Variants in GRM8 observed in about 807,000 individuals in gnomAD.
The protein encoded by GRM8 is glutamate metabotropic receptor 8.
A neutral mutation model predicts 87.2 loss-of-function variants in GRM8; 47 were observed. The observed-to-expected ratio is 0.54, with a 90% CI of 0.43 to 0.69. The LOEUF is 0.69. Among genes scored for constraint, GRM8 ranks in the 30% least tolerant of loss-of-function variants. The probability of loss-of-function intolerance (pLI) is 0.00; values close to 1 mark genes in which losing one functional copy is unlikely to be tolerated. For missense variants in GRM8, 1,019 were observed against 1,139.2 expected, an observed-to-expected ratio of 0.89 and a Z score of 1.52; for synonymous variants, 396 against 404.5, an observed-to-expected ratio of 0.98 and a Z score of 0.25.
In GRM8 at chr7:126,539,304, G is replaced by T. The variant is rs538906234; in HGVS notation, c.1495-5417C>A. 9.9e-4 allele frequency among the ~76,000 whole-genome samples: 151 copies of T among 151,856 alleles called. 1 individual carries two copies. Among genetic ancestry groups the T allele is most frequent in the African/African-American group, 3.4e-3 (141 of 41,458 alleles). On this transcript the variant is annotated intron_variant, in intron 8 of 10. Coordinates refer to ENST00000339582, the MANE Select transcript of GRM8 (RefSeq NM_000845.3). ...AGTGAAAAAAAAAGTATAAATAGTTGAAAAGAAATCCTGTGTTTATGAATC... is the reference window on the plus strand; with the variant it reads ...AGTGAAAAAAAAAGTATAAATAGTTTAAAAGAAATCCTGTGTTTATGAATC...
intron 6 of GRM8, among the ~76,000 whole-genome samples, chr7:126,792,733 G>C (rs1269983295): frequency 6.6e-6 from 1 of 151,716 alleles, no homozygotes; most frequent in South Asian, 2.1e-4. Context: ...TCCATCCCAG[G>C]CATGAATAGT....
At chr7:127,052,053 T>G (rs1395795336) in intron 3 of GRM8, among the ~76,000 whole-genome samples, 1 of 152,254 alleles carries the variant, frequency 6.6e-6, no homozygotes, top group African/African-American at 2.4e-5. Context: ...CTTATATGAC[T>G]TGATGTATTT....
chr7:127,192,195 A>G (rs571313982), intron 2 of GRM8, among the ~76,000 whole-genome samples: 2 of 152,356 alleles, frequency 1.3e-5, no homozygotes, highest in East Asian at 3.9e-4. Flanking sequence ...TCAAATAAAA[A>G]CTTGGAGGAA....
intron 7 of GRM8, among the ~76,000 whole-genome samples, chr7:126,627,165 C>A (rs1453729360): frequency 6.6e-6 from 1 of 152,118 alleles, no homozygotes; most frequent in Non-Finnish European, 1.5e-5. Context: ...TGTTAGTATA[C>A]AAAATGCAGC....
At chr7:126,974,810 C>T (rs1431422180) in intron 3 of GRM8, among the ~76,000 whole-genome samples, 3 of 152,000 alleles carry the variant, frequency 2.0e-5, no homozygotes, top group South Asian at 2.1e-4. Flanking sequence ...GTGGCAGGCA[C>T]CTGTAGTCCC....
intron 6 of GRM8, among the ~76,000 whole-genome samples, chr7:126,788,162 C>G (rs1402439420): frequency 6.6e-6 from 1 of 151,874 alleles, no homozygotes; most frequent in Non-Finnish European, 1.5e-5. Context: ...GTAATCCCAG[C>G]ACTTTGGGAG....
At chr7:127,102,216 AT>A in intron 3 of GRM8, among the ~76,000 whole-genome samples, 1 of 152,340 alleles carries the variant, frequency 6.6e-6, no homozygotes, top group Non-Finnish European at 1.5e-5. Flanking sequence ...TGCAACTTAT[AT>A]TTAAAAGGGA....
At position 126,446,367 on chromosome 7, in the gene GRM8, G is replaced by A. The variant is rs541933987; in HGVS notation, c.2436C>T (p.Tyr812=). 14 of 1,592,542 alleles carry A rather than the reference G, an allele frequency of 8.8e-6. No homozygotes were observed. Among genetic ancestry groups the A allele is most frequent in the Admixed American group, 5.1e-5 (3 of 58,618 alleles). Residue 812 remains tyrosine (Y), a synonymous_variant, in exon 10 of 11, where the codon TAC becomes TAT. Transcript: ENST00000339582. ...AGACAGTAAGTGTTGTTGTCTGGAT[G>A]TACATCTGAGGGAAGAAAAAAAAAA... The part of the protein sequence containing the change: ...FGTAQSAEKM[Y]IQTTTLTVSM...
intron 9 of GRM8, among the ~76,000 whole-genome samples, chr7:126,506,276 T>C (rs1040480558): frequency 3.3e-5 from 5 of 152,016 alleles, no homozygotes; most frequent in African/African-American, 9.7e-5. Flanking sequence ...CACACACATA[T>C]ATATGTCACA....
intron 7 of GRM8, among the ~76,000 whole-genome samples, chr7:126,641,655 T>C (rs911677735): frequency 1.3e-5 from 2 of 152,172 alleles, no homozygotes; most frequent in Non-Finnish European, 2.9e-5. Context: ...AGTTTTACTA[T>C]TTCATGATGA....
At chr7:126,621,025 T>C (rs533156094) in intron 7 of GRM8, among the ~76,000 whole-genome samples, 1 of 152,292 alleles carries the variant, frequency 6.6e-6, no homozygotes, top group South Asian at 2.1e-4. Flanking sequence ...AATGGGTTAA[T>C]TTAGTAATTT....
chr7:127,210,733 G>T (rs1361568887), intron 2 of GRM8, among the ~76,000 whole-genome samples: 1 of 152,168 alleles, frequency 6.6e-6, no homozygotes, highest in Non-Finnish European at 1.5e-5. Context: ...TCAGCCCCAA[G>T]ACACCAGGGG....
At chr7:126,635,626 C>T (rs1801780658) in intron 7 of GRM8, among the ~76,000 whole-genome samples, 1 of 151,898 alleles carries the variant, frequency 6.6e-6, no homozygotes, top group Admixed American at 6.6e-5. Context: ...TGTTATGAGT[C>T]TCATATTTTT....
chr7:126,449,982 C>T (rs1802442496), intron 9 of GRM8, among the ~76,000 whole-genome samples: 1 of 151,748 alleles, frequency 6.6e-6, no homozygotes, highest in African/African-American at 2.4e-5. Context: ...CAGTCAGATG[C>T]CCTGAAGCAG....
intron 2 of GRM8, among the ~76,000 whole-genome samples, chr7:127,181,750 C>T (rs1209084507): frequency 6.6e-6 from 1 of 151,916 alleles, no homozygotes; most frequent in Non-Finnish European, 1.5e-5. Context: ...TGGGAAAGGA[C>T]ACCCTTTTCA....
At chr7:127,187,601 C>T (rs934877557) in intron 2 of GRM8, among the ~76,000 whole-genome samples, 2 of 152,126 alleles carry the variant, frequency 1.3e-5, no homozygotes, top group East Asian at 1.9e-4. Context: ...TTGTCACATA[C>T]GCGCATTTGG....
At chr7:126,761,140 G>A (rs188737472) in intron 7 of GRM8, among the ~76,000 whole-genome samples, 187 of 152,146 alleles carry the variant, frequency 1.2e-3, no homozygotes, top group Middle Eastern at 6.8e-3. Flanking sequence ...GGAGGTTGCA[G>A]TGAGCGGAGA....
intron 9 of GRM8, among the ~76,000 whole-genome samples, chr7:126,474,268 G>GTGTATA (rs1554444586): frequency 2.7e-5 from 4 of 150,296 alleles, no homozygotes; most frequent in African/African-American, 9.8e-5. Flanking sequence ...GTGTGTGTGT[G>GTGTATA]TATATATATA....
chr7:126,548,478 C>T (rs1023439262), intron 8 of GRM8, among the ~76,000 whole-genome samples: 10 of 151,984 alleles, frequency 6.6e-5, no homozygotes, highest in African/African-American at 2.2e-4. Flanking sequence ...ATTACGGTTA[C>T]TAGCTATAAG....
Sources: gnomAD v4.1 joint callset for allele counts (sites outside exome capture counted in the v4.1 genomes callset) on GRCh38, gnomAD v4.1.1 for gene constraint, MANE v1.5 for transcripts, NCBI Gene and HGNC (gene_info 2026-07-23, HGNC 2026-07-21) for gene names.